Variants in NFYA observed in about 807,000 individuals in gnomAD.
The protein encoded by NFYA is nuclear transcription factor Y subunit alpha, also known as CAAT-box DNA binding protein subunit A.
In NFYA, 28 loss-of-function variants were observed where a neutral mutation model predicts 52.8. The ratio of observed to expected loss-of-function variants is 0.53; its 90% CI spans 0.39 to 0.73. NFYA has a LOEUF of 0.73. NFYA is among the 30% of genes least tolerant of loss of function. NFYA has a pLI of 0.00. For missense variants in NFYA, 234 were observed against 427.0 expected (o/e 0.55, Z 3.98); for synonymous variants, 150 against 150.7 (o/e 1.00, Z 0.03).
intron 2 of NFYA, among the ~76,000 whole-genome samples, chr6:41,079,660 T>C (rs1014878854): frequency 6.6e-6 from 1 of 152,258 alleles, no homozygotes; most frequent in Non-Finnish European, 1.5e-5. Context: ...AATTCCCTGC[T>C]GCTGGTTTAT....
At chr6:41,085,250 AG>A (rs1479700719) in intron 4 of NFYA, among the ~76,000 whole-genome samples, 2 of 152,222 alleles carry the variant, frequency 1.3e-5, no homozygotes, top group Admixed American at 1.3e-4. Context: ...CATCAATAGT[AG>A]GGGGAAATTA....
At position 41,089,818 on chromosome 6, in the gene NFYA, C is replaced by T. The variant is rs930938546; in HGVS notation, c.441+108C>T. On this transcript the variant is annotated intron_variant, in intron 5 of 9. Coordinates refer to ENST00000341376, the MANE Select transcript of NFYA (RefSeq NM_002505.5). ...TGTATAGTAGAAAAGGGGATGAAAA[C>T]CATAAAAAAATATATTTTTGGCCGG... 4.8e-6 allele frequency: 7 copies of T among 1,451,956 alleles called. No homozygotes were observed. The African/African-American group carries it at 1.0e-4, about 21-fold the overall frequency. 89.9% of individuals were successfully genotyped at this position (1,451,956 alleles called of 1,614,324 possible). A position where few individuals can be genotyped will look rare whatever the true frequency, so the allele number is the denominator to read the frequency against.
chr6:41,086,102 T>G (rs1466008259), intron 4 of NFYA, among the ~76,000 whole-genome samples: 1 of 152,234 alleles, frequency 6.6e-6, no homozygotes, highest in Non-Finnish European at 1.5e-5. Context: ...CTTTCTGTTC[T>G]TCTCTCTTTG....
intron 2 of NFYA, 81 bp from the exon 3 acceptor site, chr6:41,080,730 C>G (rs1763882333): frequency 1.7e-6 from 2 of 1,181,936 alleles, no homozygotes; most frequent in Non-Finnish European, 2.5e-6. Context: ...TCTCTCTCCT[C>G]CAAGAGGTAA....
At chr6:41,084,543 G>A (rs1406375448) in intron 4 of NFYA, among the ~76,000 whole-genome samples, 1 of 152,208 alleles carries the variant, frequency 6.6e-6, no homozygotes, top group African/African-American at 2.4e-5. Flanking sequence ...AATTAATTAA[G>A]TAGAAAACTG....
chr6:41,079,915 C>T (rs1350990305), intron 2 of NFYA, among the ~76,000 whole-genome samples: 2 of 152,080 alleles, frequency 1.3e-5, no homozygotes, highest in African/African-American at 2.4e-5. Flanking sequence ...GAGTTTTTCC[C>T]GTCTAATGAT....
intron 4 of NFYA, among the ~76,000 whole-genome samples, chr6:41,087,548 C>A (rs1582030438): frequency 1.3e-5 from 2 of 152,144 alleles, no homozygotes; most frequent in African/African-American, 4.8e-5. Context: ...TGAAGCAATG[C>A]TCAAATAAAA....
rs1433205253 is a variant in NFYA at position 41,084,081 on chromosome 6, A to G, written c.198A>G (p.Gly66=). 1.2e-6 allele frequency: 2 copies of G among 1,613,870 alleles called. No homozygotes were observed. Among genetic ancestry groups the G allele is most frequent in the Admixed American group, 1.7e-5 (1 of 59,970 alleles). The change falls in exon 4 of 10, where the codon GGA becomes GGG. Residue 66 remains glycine, a synonymous_variant. Coordinates refer to ENST00000341376, the MANE Select transcript of NFYA (RefSeq NM_002505.5). ...AGCCATTAATGGTGCAGGTCAGTGG[A>G]GGCCAGCTAATCACATCAACTGGCC... The part of the protein sequence containing the change: ...QGQPLMVQVS[G]GQLITSTGQP...
rs182671713 is a variant in NFYA at position 41,084,485 on chromosome 6, G to A, written c.309+293G>A. On this transcript the variant is annotated intron_variant, in intron 4 of 9. Transcript: ENST00000341376. ...TTTATTTTAAAAGAAACAAAAATGA[G>A]TATTTAGAAAGTTAGAAAAATAACA... 4.4e-3 allele frequency among the ~76,000 whole-genome samples: 673 copies of A among 152,280 alleles called. 11 individuals carry two copies. The South Asian group carries it at 0.06, about 14-fold the overall frequency.
intron 1 of NFYA, among the ~76,000 whole-genome samples, chr6:41,074,945 G>C (rs773033118): frequency 6.6e-6 from 1 of 152,112 alleles, no homozygotes; most frequent in Non-Finnish European, 1.5e-5. Flanking sequence ...TAAGTATCTG[G>C]TGCCCATTTC....
At chr6:41,079,839 T>C (rs1763858550) in intron 2 of NFYA, among the ~76,000 whole-genome samples, 1 of 152,232 alleles carries the variant, frequency 6.6e-6, no homozygotes, top group African/African-American at 2.4e-5. Flanking sequence ...GGAAATACTT[T>C]GTTTTCAAAA....
intron 3 of NFYA, among the ~76,000 whole-genome samples, chr6:41,081,619 A>G (rs1423054852): frequency 6.6e-6 from 1 of 152,254 alleles, no homozygotes; most frequent in Non-Finnish European, 1.5e-5. Flanking sequence ...AAACTAGGCT[A>G]GGCTGTGCTT....
chr6:41,082,254 G>A (rs1334761136), intron 3 of NFYA, among the ~76,000 whole-genome samples: 1 of 152,218 alleles, frequency 6.6e-6, no homozygotes, highest in African/African-American at 2.4e-5. Flanking sequence ...TAAGCCGAAA[G>A]AAACTGAGCT....
In NFYA at chr6:41,094,200, C is replaced by T. The variant is rs41273752; in HGVS notation, c.889-196C>T. On this transcript the variant is annotated intron_variant, in intron 8 of 9. Coordinates refer to ENST00000341376, the MANE Select transcript of NFYA (RefSeq NM_002505.5). ...CATACTATAAGCATTCACAGTCTTA[C>T]AGTAGTTATATATGGTTAGCTATAT... Among the ~76,000 whole-genome samples the T allele has an allele frequency of 8.5e-3, 1,292 of 152,220 alleles. 7 individuals are homozygous for T. Among genetic ancestry groups the T allele is most frequent in the Non-Finnish European group, 0.014 (940 of 68,008 alleles).
At chr6:41,095,076 T>C (rs1764311782) in intron 9 of NFYA, among the ~76,000 whole-genome samples, 1 of 152,188 alleles carries the variant, frequency 6.6e-6, no homozygotes, top group African/African-American at 2.4e-5. Context: ...TCTTCCACTT[T>C]TGTTCCCCTC....
intron 8 of NFYA, 37 bp downstream of exon 8, chr6:41,093,122 A>AT (rs769545955): frequency 6.4e-7 from 1 of 1,567,914 alleles, no homozygotes; most frequent in Non-Finnish European, 8.7e-7. Context: ...GGAAAGGAGA[A>AT]TAGCAGGGTT....
chr6:41,077,393 C>T (rs1020299052), intron 1 of NFYA, among the ~76,000 whole-genome samples: 1 of 152,162 alleles, frequency 6.6e-6, no homozygotes, highest in Non-Finnish European at 1.5e-5. Flanking sequence ...CTCCCTCTTT[C>T]CTGTCTCCCT....
chr6:41,085,244 A>C (rs1156928537), intron 4 of NFYA, among the ~76,000 whole-genome samples: 1 of 152,240 alleles, frequency 6.6e-6, no homozygotes, highest in Non-Finnish European at 1.5e-5. Context: ...GAAAAGCATC[A>C]ATAGTAGGGG....
intron 6 of NFYA, 90 bp downstream of exon 6, chr6:41,090,399 C>A: frequency 1.5e-6 from 1 of 672,268 alleles, no homozygotes; most frequent in Non-Finnish European, 2.7e-6. Context: ...GAGTGGTGAA[C>A]TTGACACTAC....
Sources: allele counts gnomAD v4.1 joint callset (sites outside exome capture counted in the v4.1 genomes callset), GRCh38; gene constraint gnomAD v4.1.1; transcripts MANE v1.5; gene names NCBI Gene and HGNC (gene_info 2026-07-23, HGNC 2026-07-21).